TAF2: variants seen among roughly 807,000 people sequenced by gnomAD.
TAF2 encodes transcription initiation factor TFIID subunit 2.
TAF2 carries 61 observed loss-of-function variants against 138.5 expected under a neutral mutation model. The ratio of observed to expected loss-of-function variants is 0.44; its 90% CI spans 0.36 to 0.54. TAF2 has a LOEUF of 0.54. Ranked by LOEUF, TAF2 falls within the 20% of genes least tolerant of loss-of-function variation. The probability of loss-of-function intolerance (pLI) is 0.00; values close to 1 mark genes in which losing one functional copy is unlikely to be tolerated. For missense variants in TAF2, 1,090 were observed against 1,427.9 expected (o/e 0.76, Z 3.81); for synonymous variants, 475 against 469.9 (o/e 1.01, Z -0.14).
At chr8:119,747,929 GC>G (rs1453803871) in intron 22 of TAF2, among the ~76,000 whole-genome samples, 1 of 152,158 alleles carries the variant, frequency 6.6e-6, no homozygotes, top group Non-Finnish European at 1.5e-5. Context: ...TTCAAAACAA[GC>G]CTGGGTAACA....
intron 2 of TAF2, among the ~76,000 whole-genome samples, chr8:119,831,006 C>T (rs1435467663): frequency 6.6e-6 from 1 of 152,102 alleles, no homozygotes; most frequent in Non-Finnish European, 1.5e-5. Flanking sequence ...ACTTGGGAGG[C>T]TGAGGTAGGA....
intron 25 of TAF2, among the ~76,000 whole-genome samples, chr8:119,737,118 G>A (rs888830589): frequency 9.2e-5 from 14 of 152,136 alleles, no homozygotes; most frequent in African/African-American, 3.4e-4. Flanking sequence ...TCAGCCAACT[G>A]CAATGTGGAC....
intron 3 of TAF2, among the ~76,000 whole-genome samples, chr8:119,813,356 A>C (rs1825228665): frequency 1.3e-5 from 2 of 152,234 alleles, no homozygotes; most frequent in South Asian, 4.1e-4. Flanking sequence ...ATGAGTCTAC[A>C]AGAATCCTTA....
intron 15 of TAF2, among the ~76,000 whole-genome samples, chr8:119,784,024 T>A (rs1247691691): frequency 1.3e-5 from 2 of 152,228 alleles, no homozygotes; most frequent in African/African-American, 4.8e-5. Context: ...TAAGACTTTT[T>A]AAAAATACTA....
intron 22 of TAF2, among the ~76,000 whole-genome samples, chr8:119,755,354 G>C (rs556029819): frequency 6.6e-6 from 1 of 152,020 alleles, no homozygotes; most frequent in Non-Finnish European, 1.5e-5. Context: ...AAAATTAGCC[G>C]GGCATGGTGG....
At chr8:119,797,539 G>T in intron 7 of TAF2, 123 bp downstream of exon 7, 1 of 995,554 alleles carries the variant, frequency 1.0e-6, no homozygotes, top group South Asian at 1.5e-5. Context: ...TTTGTACAAA[G>T]CCAATCACAT....
rs142274482 is a variant in TAF2 at position 119,801,860 on chromosome 8, T to C, written c.726A>G (p.Thr242=). 130 of 1,614,186 alleles carry C rather than the reference T, an allele frequency of 8.1e-5. 2 individuals are homozygous for C. In the African/African-American group the frequency reaches 1.5e-3, roughly 18 times the overall value. Reference sequence around the variant, plus strand: ...TGGCCAAGGAGATATTTGACGCTGCTGTAGGAATGGTAAGCATATAATGGA... The same window carrying C: ...TGGCCAAGGAGATATTTGACGCTGCCGTAGGAATGGTAAGCATATAATGGA... ...KTFHYMLTIP[T]AASNISLAIG... Residue 242 remains threonine (T), a synonymous_variant, in exon 6 of 26, where the codon ACA becomes ACG. Transcript: ENST00000378164.
chr8:119,829,516 C>G (rs1450368405), intron 2 of TAF2, among the ~76,000 whole-genome samples: 1 of 151,888 alleles, frequency 6.6e-6, no homozygotes, highest in Non-Finnish European at 1.5e-5. Flanking sequence ...CCTCAATTAA[C>G]TTGTGTGTGT....
intron 7 of TAF2, among the ~76,000 whole-genome samples, 195 bp from the exon 8 acceptor site, chr8:119,797,298 T>G (rs1316236386): frequency 6.6e-6 from 1 of 152,102 alleles, no homozygotes; most frequent in Non-Finnish European, 1.5e-5. Flanking sequence ...CATTTTCCAC[T>G]GATGATATCA....
At chr8:119,778,786 A>C (rs1431756682) in intron 17 of TAF2, among the ~76,000 whole-genome samples, 3 of 152,196 alleles carry the variant, frequency 2.0e-5, no homozygotes, top group Non-Finnish European at 2.9e-5. Flanking sequence ...CAACATTTTT[A>C]AGAATGTAGA....
chr8:119,757,962 A>T (rs1820810797), intron 21 of TAF2, 111 bp downstream of exon 21: 1 of 884,402 alleles, frequency 1.1e-6, no homozygotes, highest in East Asian at 2.4e-5. Context: ...AATGCAAAAG[A>T]TATTCCCATA....
chr8:119,742,337 TA>T (rs77809633), intron 25 of TAF2, among the ~76,000 whole-genome samples, 196 bp downstream of exon 25: 41,249 of 152,016 alleles, frequency 0.27, 6,846 homozygotes, highest in Admixed American at 0.46. Context: ...ATAATAGGAA[TA>T]CATTACTTTT....
intron 18 of TAF2, among the ~76,000 whole-genome samples, chr8:119,776,287 G>A (rs1197425513): frequency 4.0e-5 from 6 of 150,530 alleles, no homozygotes; most frequent in South Asian, 2.1e-4. Context: ...TTAAACTAAA[G>A]AGGCAATGTT....
At chr8:119,760,497 A>T in intron 20 of TAF2, 102 bp downstream of exon 20, 1 of 1,270,472 alleles carries the variant, frequency 7.9e-7, no homozygotes, top group Non-Finnish European at 1.1e-6. Flanking sequence ...TTAAAATTAA[A>T]ATATCTGTGT....
At position 119,745,345 on chromosome 8, in the gene TAF2, A is replaced by G. The variant is rs115842360; in HGVS notation, c.3109-952T>C. On this transcript the variant is annotated intron_variant, in intron 23 of 25. Transcript: ENST00000378164. ...ATGAGCAAGAATTATAAATATATCA[A>G]TTTTCACAGGTTGATGAGTATGTAG... is the stretch of plus-strand genomic sequence containing the variant. 9.1e-3 allele frequency among the ~76,000 whole-genome samples: 1,390 copies of G among 152,170 alleles called. 20 individuals are homozygous for G. Among genetic ancestry groups the G allele is most frequent in the African/African-American group, 0.032 (1,322 of 41,518 alleles).
At chr8:119,825,055 T>A (rs1241033870) in intron 2 of TAF2, among the ~76,000 whole-genome samples, 1 of 152,232 alleles carries the variant, frequency 6.6e-6, no homozygotes, top group Non-Finnish European at 1.5e-5. Flanking sequence ...ACATGCACCG[T>A]GCACCTGGAA....
At chr8:119,798,546 T>G (rs774897770) in intron 6 of TAF2, among the ~76,000 whole-genome samples, 1 of 152,210 alleles carries the variant, frequency 6.6e-6, no homozygotes, top group African/African-American at 2.4e-5. Context: ...GTAATCTTTT[T>G]GAGTTCAACA....
intron 15 of TAF2, among the ~76,000 whole-genome samples, chr8:119,783,885 T>A (rs1188597540): frequency 6.6e-6 from 1 of 152,168 alleles, no homozygotes; most frequent in Non-Finnish European, 1.5e-5. Flanking sequence ...AATAAGAAAA[T>A]ATTAATTGTC....
At chr8:119,772,885 C>T (rs906380319) in intron 18 of TAF2, among the ~76,000 whole-genome samples, 2 of 150,632 alleles carry the variant, frequency 1.3e-5, no homozygotes, top group African/African-American at 2.4e-5. Context: ...TGCAGTGAGC[C>T]GAGATCATGC....
Sources: gnomAD v4.1 joint callset for allele counts (sites outside exome capture counted in the v4.1 genomes callset) on GRCh38, gnomAD v4.1.1 for gene constraint, MANE v1.5 for transcripts, NCBI Gene and HGNC (gene_info 2026-07-23, HGNC 2026-07-21) for gene names.